Variants in CDH12 observed in about 807,000 individuals in gnomAD.
The protein encoded by CDH12 is cadherin 12.
A neutral mutation model predicts 74.1 loss-of-function variants in CDH12; 41 were observed. The ratio of observed to expected loss-of-function variants is 0.55; its 90% confidence interval spans 0.43 to 0.72. The LOEUF (loss-of-function observed/expected upper bound fraction) is 0.72, where lower values mean the gene tolerates loss of function less well. Ranked by LOEUF, CDH12 falls within the 30% of genes least tolerant of loss-of-function variation. The probability of loss-of-function intolerance (pLI) is 0.00; values close to 1 mark genes in which losing one functional copy is unlikely to be tolerated. For synonymous variants in CDH12, 399 were observed against 355.0 expected, an observed-to-expected ratio of 1.12 and a Z score of -1.39; for missense variants, 945 against 977.2, an observed-to-expected ratio of 0.97 and a Z score of 0.44.
At chr5:21,969,311 T>A (rs1414550901) in intron 6 of CDH12, among the ~76,000 whole-genome samples, 1 of 152,124 alleles carries the variant, frequency 6.6e-6, no homozygotes, top group African/African-American at 2.4e-5. Context: ...CATGAATCAT[T>A]GAGAGCCAGA....
chr5:22,758,029 T>C (rs1746021964), intron 1 of CDH12, among the ~76,000 whole-genome samples: 1 of 152,152 alleles, frequency 6.6e-6, no homozygotes, highest in South Asian at 2.1e-4. Context: ...TTTAAATCTG[T>C]CTGCTCTTTA....
At chr5:22,285,066 GTTAT>G (rs1737075156) in intron 3 of CDH12, among the ~76,000 whole-genome samples, 1 of 151,210 alleles carries the variant, frequency 6.6e-6, no homozygotes, top group African/African-American at 2.4e-5. Flanking sequence ...TGAGAAAGAA[GTTAT>G]TTATCTTACA....
At chr5:22,441,649 G>A (rs1744627601) in intron 2 of CDH12, among the ~76,000 whole-genome samples, 1 of 151,938 alleles carries the variant, frequency 6.6e-6, no homozygotes, top group African/African-American at 2.4e-5. Context: ...TTACTACAAG[G>A]ATACACATAA....
At chr5:22,169,375 T>C (rs1367918763) in intron 4 of CDH12, among the ~76,000 whole-genome samples, 3 of 152,076 alleles carry the variant, frequency 2.0e-5, no homozygotes. Context: ...AAACCTTCTA[T>C]GCATCTAAAA....
At chr5:22,019,601 C>T (rs149564359) in intron 5 of CDH12, among the ~76,000 whole-genome samples, 67 of 152,268 alleles carry the variant, frequency 4.4e-4, no homozygotes, top group African/African-American at 1.6e-3. Flanking sequence ...AAGATGTTGA[C>T]CTGCAGGCCA....
At chr5:22,065,852 G>C (rs948375898) in intron 5 of CDH12, among the ~76,000 whole-genome samples, 1 of 152,200 alleles carries the variant, frequency 6.6e-6, no homozygotes, top group Non-Finnish European at 1.5e-5. Flanking sequence ...ATAGTCAAAA[G>C]AGCAATCAGA....
At chr5:22,817,069 G>T (rs1749429304) in intron 1 of CDH12, among the ~76,000 whole-genome samples, 1 of 151,850 alleles carries the variant, frequency 6.6e-6, no homozygotes, top group Admixed American at 6.6e-5. Context: ...CTCTCCTTAG[G>T]GTGATCTCTA....
intron 6 of CDH12, among the ~76,000 whole-genome samples, chr5:21,896,884 G>A (rs1430759452): frequency 1.3e-5 from 2 of 152,116 alleles, no homozygotes; most frequent in East Asian, 3.8e-4. Flanking sequence ...ACAAGCACAT[G>A]TAAAAAGTCT....
At chr5:22,823,389 T>C (rs1160384454) in intron 1 of CDH12, among the ~76,000 whole-genome samples, 1 of 151,932 alleles carries the variant, frequency 6.6e-6, no homozygotes, top group Non-Finnish European at 1.5e-5. Context: ...ATAATAATAA[T>C]TTTTAAAAAA....
chr5:22,130,034 G>A (rs1449179884), intron 4 of CDH12, among the ~76,000 whole-genome samples: 2 of 151,684 alleles, frequency 1.3e-5, no homozygotes, highest in Non-Finnish European at 2.9e-5. Flanking sequence ...GAAGAAAGAT[G>A]AGAAATTTAA....
intron 6 of CDH12, among the ~76,000 whole-genome samples, chr5:21,864,312 A>C (rs1446624721): frequency 6.6e-6 from 1 of 152,172 alleles, no homozygotes; most frequent in Admixed American, 6.5e-5. Flanking sequence ...AGAAGATTGC[A>C]TGTGAGTCAG....
At chr5:22,769,447 C>A (rs577598771) in intron 1 of CDH12, among the ~76,000 whole-genome samples, 1 of 152,252 alleles carries the variant, frequency 6.6e-6, no homozygotes, top group East Asian at 1.9e-4. Context: ...CTCTGGCCTT[C>A]TGCCACAGGC....
chr5:22,561,345 T>C (rs1739037102), intron 1 of CDH12, among the ~76,000 whole-genome samples: 2 of 152,168 alleles, frequency 1.3e-5, no homozygotes, highest in South Asian at 4.1e-4. Flanking sequence ...TATTCAAATA[T>C]TCCATTTTCC....
intron 1 of CDH12, among the ~76,000 whole-genome samples, chr5:22,549,349 A>C (rs1399572168): frequency 1.3e-5 from 2 of 151,994 alleles, no homozygotes; most frequent in Non-Finnish European, 2.9e-5. Flanking sequence ...TTCTAAGGCA[A>C]AATTATCTTT....
chr5:22,845,974 A>G (rs964157121), intron 1 of CDH12, among the ~76,000 whole-genome samples: 1 of 152,104 alleles, frequency 6.6e-6, no homozygotes, highest in Non-Finnish European at 1.5e-5. Flanking sequence ...ACTGTGGTAT[A>G]GGAAGTGAGG....
chr5:22,104,156 A>G (rs1318738088), intron 4 of CDH12, among the ~76,000 whole-genome samples: 1 of 152,248 alleles, frequency 6.6e-6, no homozygotes, highest in African/African-American at 2.4e-5. Context: ...GAAAGTAAAT[A>G]GATATCATAC....
At chr5:21,894,401 A>G (rs1026579147) in intron 6 of CDH12, among the ~76,000 whole-genome samples, 6 of 151,508 alleles carry the variant, frequency 4.0e-5, no homozygotes, top group Non-Finnish European at 5.9e-5. Context: ...AAAAAAAAAA[A>G]AAAGAAAGCA....
intron 2 of CDH12, among the ~76,000 whole-genome samples, chr5:22,466,859 G>C (rs2126597066): frequency 1.5e-5 from 2 of 131,416 alleles, no homozygotes; most frequent in Non-Finnish European, 3.1e-5. Context: ...CGCAGTCTCG[G>C]CTCACTGCAA....
chr5:22,103,126 A>C (rs1297270426), intron 4 of CDH12, among the ~76,000 whole-genome samples: 1 of 152,190 alleles, frequency 6.6e-6, no homozygotes, highest in Non-Finnish European at 1.5e-5. Flanking sequence ...GATAGGTGAC[A>C]GAGAAAGAAA....
Sources: gnomAD v4.1 joint callset for allele counts (sites outside exome capture counted in the v4.1 genomes callset) on GRCh38, gnomAD v4.1.1 for gene constraint, MANE v1.5 for transcripts, NCBI Gene and HGNC (gene_info 2026-07-23, HGNC 2026-07-21) for gene names.